The following ADAM17 variants were observed in gnomAD, a reference collection of about 807,000 sequenced individuals.
ADAM17 encodes the protein disintegrin and metalloproteinase domain-containing protein 17.
A neutral mutation model predicts 96.7 loss-of-function variants in ADAM17; 39 were observed. The observed-to-expected ratio is 0.40, with a 90% CI of 0.31 to 0.53. The LOEUF (loss-of-function observed/expected upper bound fraction) is 0.53, where lower values mean the gene tolerates loss of function less well. Ranked by LOEUF, ADAM17 falls within the 20% of genes least tolerant of loss-of-function variation. The pLI is 0.44. For synonymous variants in ADAM17, 344 were observed against 359.2 expected, an observed-to-expected ratio of 0.96 and a Z score of 0.48; for missense variants, 777 against 1,013.2, an observed-to-expected ratio of 0.77 and a Z score of 3.17.
intron 2 of ADAM17, among the ~76,000 whole-genome samples, chr2:9,539,608 C>T (rs886231946): frequency 2.6e-5 from 4 of 152,154 alleles, no homozygotes; most frequent in African/African-American, 7.2e-5. Context: ...CCACTGCTAT[C>T]GAAAAACGGA....
At chr2:9,533,373 CCT>C (rs1048292890) in intron 4 of ADAM17, among the ~76,000 whole-genome samples, 1 of 151,842 alleles carries the variant, frequency 6.6e-6, no homozygotes, top group Non-Finnish European at 1.5e-5. Context: ...ATTGTGAAAC[CCT>C]GTCTCTACCA....
At chr2:9,502,793 C>T (rs1025077613) in intron 12 of ADAM17, among the ~76,000 whole-genome samples, 4 of 148,240 alleles carry the variant, frequency 2.7e-5, no homozygotes, top group South Asian at 2.2e-4. Flanking sequence ...GCAGGAGAAT[C>T]GCCTGGACCC....
intron 6 of ADAM17, among the ~76,000 whole-genome samples, chr2:9,524,919 G>C (rs1281677528): frequency 3.3e-5 from 5 of 152,126 alleles, no homozygotes; most frequent in African/African-American, 2.4e-5. Flanking sequence ...GTTTGTTCTA[G>C]CAACTGTGAA....
intron 8 of ADAM17, 58 bp downstream of exon 8, chr2:9,521,145 C>T (rs1363297865): frequency 1.0e-5 from 14 of 1,335,986 alleles, no homozygotes; most frequent in Non-Finnish European, 1.4e-5. Flanking sequence ...CACATACAAT[C>T]CACATATCAG....
intron 5 of ADAM17, among the ~76,000 whole-genome samples, chr2:9,526,652 C>T (rs1351850002): frequency 6.6e-6 from 1 of 152,004 alleles, no homozygotes; most frequent in East Asian, 1.9e-4. Context: ...AAAAATTAGC[C>T]AGATATGGTG....
At chr2:9,514,812 T>C (rs1663978738) in intron 10 of ADAM17, among the ~76,000 whole-genome samples, 1 of 151,584 alleles carries the variant, frequency 6.6e-6, no homozygotes, top group Non-Finnish European at 1.5e-5. Context: ...GAGACAGAGC[T>C]TGCAGTGAGC....
intron 1 of ADAM17, among the ~76,000 whole-genome samples, chr2:9,546,477 T>TA (rs1665407251): frequency 6.6e-6 from 1 of 152,194 alleles, no homozygotes; most frequent in Admixed American, 6.5e-5. Flanking sequence ...ACCTCTCAGG[T>TA]ACTCAATATT....
chr2:9,492,618 G>C (rs1457095122), intron 17 of ADAM17, among the ~76,000 whole-genome samples: 1 of 152,014 alleles, frequency 6.6e-6, no homozygotes, highest in Non-Finnish European at 1.5e-5. Flanking sequence ...CAAAGGACCT[G>C]GACAAATCCA....
intron 10 of ADAM17, among the ~76,000 whole-genome samples, chr2:9,510,694 T>C (rs1040959624): frequency 8.7e-5 from 13 of 149,302 alleles, no homozygotes; most frequent in African/African-American, 3.2e-4. Flanking sequence ...TAGCCAGGCA[T>C]GGTGGTGCAC....
At chr2:9,534,015 T>C (rs1664856405) in intron 4 of ADAM17, among the ~76,000 whole-genome samples, 2 of 152,300 alleles carry the variant, frequency 1.3e-5, no homozygotes, top group African/African-American at 4.8e-5. Flanking sequence ...ACTAAACACA[T>C]GCACCAAAAG....
intron 8 of ADAM17, 63 bp downstream of exon 8, chr2:9,521,140 A>C: frequency 7.6e-7 from 1 of 1,317,492 alleles, no homozygotes; most frequent in South Asian, 1.2e-5. Context: ...TAAAACACAT[A>C]CAATCCACAT....
At chr2:9,552,052 T>C (rs1665605326) in intron 1 of ADAM17, among the ~76,000 whole-genome samples, 1 of 152,230 alleles carries the variant, frequency 6.6e-6, no homozygotes, top group South Asian at 2.1e-4. Context: ...TTTTGGAGCA[T>C]TTCAGATTAG....
At position 9,555,668 on chromosome 2, in the gene ADAM17, A is replaced by G; in HGVS notation, c.-63T>C. ...GCCTTCGCCTGACGGGGTTTCGGAA[A>G]ACTGCTCACATCGGGGGAGGACGGG... is the stretch of plus-strand genomic sequence containing the variant. On this transcript the variant is annotated 5_prime_UTR_variant, in exon 1 of 19. Coordinates refer to ENST00000310823, the MANE Select transcript of ADAM17 (RefSeq NM_003183.6). The G allele has an allele frequency of 7.3e-7, 1 of 1,375,290 alleles. No homozygotes were observed. Among genetic ancestry groups the G allele is most frequent in the East Asian group, 2.6e-5 (1 of 37,744 alleles). 85.2% of individuals were successfully genotyped at this position (1,375,290 alleles called of 1,614,324 possible).
intron 17 of ADAM17, among the ~76,000 whole-genome samples, chr2:9,492,319 G>C (rs902291321): frequency 7.2e-5 from 11 of 152,180 alleles, no homozygotes; most frequent in African/African-American, 2.7e-4. Context: ...AATTTATAAA[G>C]GACCAGGAGT....
chr2:9,527,378 T>C (rs571795813), intron 5 of ADAM17: 5 of 152,942 alleles, frequency 3.3e-5, no homozygotes, highest in African/African-American at 1.2e-4. Context: ...TGACCCTAAA[T>C]GGATTGTCCC....
At chr2:9,499,535 G>A (rs964289897) in intron 13 of ADAM17, among the ~76,000 whole-genome samples, 1 of 152,024 alleles carries the variant, frequency 6.6e-6, no homozygotes, top group African/African-American at 2.4e-5. Flanking sequence ...CCAAGTAGCT[G>A]GGACTACAGG....
intron 1 of ADAM17, among the ~76,000 whole-genome samples, chr2:9,551,459 T>A (rs1392475708): frequency 6.6e-6 from 1 of 152,216 alleles, no homozygotes; most frequent in Non-Finnish European, 1.5e-5. Context: ...CATTTATGTT[T>A]CATTTATTCA....
At chr2:9,516,650 G>A (rs1664073296) in intron 10 of ADAM17, among the ~76,000 whole-genome samples, 1 of 152,062 alleles carries the variant, frequency 6.6e-6, no homozygotes, top group South Asian at 2.1e-4. Flanking sequence ...CTACTCAGGA[G>A]GTTGAAGCAG....
At chr2:9,542,667 T>A (rs1665254045) in intron 2 of ADAM17, among the ~76,000 whole-genome samples, 2 of 152,176 alleles carry the variant, frequency 1.3e-5, no homozygotes, top group South Asian at 2.1e-4. Flanking sequence ...TTTACTTTTT[T>A]AAAAATACTC....
Sources: allele counts gnomAD v4.1 joint callset (sites outside exome capture counted in the v4.1 genomes callset), GRCh38; gene constraint gnomAD v4.1.1; transcripts MANE v1.5; gene names NCBI Gene and HGNC (gene_info 2026-07-23, HGNC 2026-07-21).